Variants in CLEC20A observed in about 807,000 individuals in gnomAD.
CLEC20A encodes the protein C-type lectin domain containing 20A, also known as putative C-type lectin domain family 20 member A.
At chr1:178,493,938 AC>A (rs1649327769) in intron 2 of CLEC20A, among the ~76,000 whole-genome samples, 1 of 152,196 alleles carries the variant, frequency 6.6e-6, no homozygotes, top group Non-Finnish European at 1.5e-5. Context: ...CCTGACTTAC[AC>A]CCATTTTTTC....
chr1:178,489,155 G>A (rs926800437), intron 4 of CLEC20A, among the ~76,000 whole-genome samples: 5 of 152,074 alleles, frequency 3.3e-5, no homozygotes, highest in African/African-American at 1.2e-4. Flanking sequence ...TTGAGGTCAG[G>A]AGTTCAAGAC....
At chr1:178,491,396 C>A (rs1649263466) in intron 3 of CLEC20A, among the ~76,000 whole-genome samples, 1 of 152,204 alleles carries the variant, frequency 6.6e-6, no homozygotes. Flanking sequence ...CACCTAAGCC[C>A]ATCAAGATTT....
chr1:178,482,128 TAAGAA>T (rs1649005659), intron 7 of CLEC20A, 179 bp downstream of exon 7: 1 of 384,314 alleles, frequency 2.6e-6, no homozygotes, highest in African/African-American at 2.2e-5. Flanking sequence ...TTGGAGAGGG[TAAGAA>T]AAGATCCAAA....
At chr1:178,479,279 A>G (rs1001302169) in exon 8 of CLEC20A, 7 of 284,040 alleles carry the variant, frequency 2.5e-5, no homozygotes, top group African/African-American at 1.5e-4. Context: ...TTAATTTCTT[A>G]ATAGAAGTTC....
In CLEC20A at chr1:178,490,683, C is replaced by T. The variant is rs569225752; in HGVS notation, c.464-246G>A. 2.6e-4 allele frequency among the ~76,000 whole-genome samples: 40 copies of T among 152,308 alleles called. No homozygotes were observed. In the South Asian group the frequency reaches 8.1e-3, roughly 31 times the overall value. On this transcript the variant is annotated intron_variant, in intron 3 of 7. Coordinates refer to ENST00000623247, the Ensembl canonical transcript of CLEC20A. ...AAGCAGAGCTTAAGAGTTCTTGTAG[C>T]TATATGGCCTCACAAGTTCAGTTTA...
intron 5 of CLEC20A, chr1:178,486,492 T>A: frequency 2.5e-6 from 1 of 398,792 alleles, no homozygotes; most frequent in Non-Finnish European, 4.4e-6. Flanking sequence ...GGCTCAGGGC[T>A]GCAGAGTCAG....
upstream of CLEC20A, among the ~76,000 whole-genome samples, chr1:178,498,646 GCA>G (rs1236572967): frequency 6.6e-6 from 1 of 152,112 alleles, no homozygotes; most frequent in Non-Finnish European, 1.5e-5. Context: ...GGAGGCCAAG[GCA>G]CTTTCTCTGG....
exon 4 of CLEC20A, chr1:178,490,214 G>A: frequency 2.5e-6 from 1 of 398,832 alleles, no homozygotes; most frequent in Non-Finnish European, 4.4e-6. Flanking sequence ...TGGCCCCCAG[G>A]TCACTGGACC....
At chr1:178,483,395 AC>A in intron 5 of CLEC20A, 113 bp from the exon 6 acceptor site, 1 of 395,778 alleles carries the variant, frequency 2.5e-6, no homozygotes, top group Non-Finnish European at 4.5e-6. Context: ...ACTGCTAGGC[AC>A]ACAGTTGCTG....
chr1:178,489,507 G>A (rs553444741), intron 4 of CLEC20A, among the ~76,000 whole-genome samples: 1 of 152,096 alleles, frequency 6.6e-6, no homozygotes, highest in Non-Finnish European at 1.5e-5. Flanking sequence ...GCAGAAGGAC[G>A]CCCATCACAC....
In CLEC20A at chr1:178,479,648, C is replaced by T. The variant is rs1041616684; in HGVS notation, c.1123-33G>A. 6.0e-5 allele frequency: 24 copies of T among 398,160 alleles called. No individual in the cohort carries two copies. In the South Asian group the frequency reaches 6.4e-4, roughly 11 times the overall value. The allele number at this position is 398,160 out of a possible 1,614,324, so 24.7% of individuals were successfully genotyped here. ...ATCAAAAAGAGAGAAAGTGTTGATGCGGTCTTTTTACTTCATGGTCCTCTT... is the reference window on the plus strand; with the variant it reads ...ATCAAAAAGAGAGAAAGTGTTGATGTGGTCTTTTTACTTCATGGTCCTCTT... On this transcript the variant is annotated intron_variant, in intron 7 of 7. Coordinates refer to ENST00000623247, the Ensembl canonical transcript of CLEC20A.
intron 1 of CLEC20A, among the ~76,000 whole-genome samples, chr1:178,495,697 A>AAGGG (rs1449449051): frequency 9.2e-5 from 14 of 152,098 alleles, no homozygotes; most frequent in Non-Finnish European, 1.3e-4. Context: ...GGAAGGAAGG[A>AAGGG]AGGGAGGGAG....
intron 7 of CLEC20A, 37 bp from the exon 8 acceptor site, chr1:178,479,652 C>T: frequency 2.5e-6 from 1 of 398,228 alleles, no homozygotes; most frequent in Non-Finnish European, 4.4e-6. Context: ...TTGATGCGGT[C>T]TTTTTACTTC....
In CLEC20A at chr1:178,494,451, C is replaced by T. The variant is rs906278537; in HGVS notation, c.397+3G>A. 7 of 400,212 alleles carry T rather than the reference C, an allele frequency of 1.7e-5. No homozygotes were observed. Among genetic ancestry groups the T allele is most frequent in the East Asian group, 7.1e-5 (2 of 28,112 alleles). 24.8% of individuals were successfully genotyped at this position (400,212 alleles called of 1,614,324 possible). A position where few individuals can be genotyped will look rare whatever the true frequency, so the allele number is the denominator to read the frequency against. On this transcript the variant is annotated splice_donor_region_variant and intron_variant, in intron 2 of 7. Coordinates refer to ENST00000623247, the Ensembl canonical transcript of CLEC20A. ...CAAGCCTGAAATATGAATGTGAACA[C>T]ACCACAGTAGCAGAGGAAGGGCTTC...
At chr1:178,493,076 AG>A (rs1033092968) in intron 2 of CLEC20A, among the ~76,000 whole-genome samples, 21 of 152,332 alleles carry the variant, frequency 1.4e-4, no homozygotes, top group Admixed American at 4.6e-4. Flanking sequence ...TTAGGGGTCA[AG>A]GGCAGACCCA....
chr1:178,486,988 C>A, intron 5 of CLEC20A: 2 of 395,356 alleles, frequency 5.1e-6, no homozygotes, highest in Non-Finnish European at 4.5e-6. Flanking sequence ...CTCCGGGCTG[C>A]CCCTCTGAGT....
At chr1:178,496,705 C>T (rs531916053) in intron 1 of CLEC20A, 195 bp downstream of exon 1, 2 of 397,316 alleles carry the variant, frequency 5.0e-6, no homozygotes, top group Admixed American at 4.4e-5. Context: ...TGGCTGAGTA[C>T]TGTCTGGTTA....
chr1:178,487,951 T>C (rs1473534957), intron 5 of CLEC20A, among the ~76,000 whole-genome samples: 1 of 152,202 alleles, frequency 6.6e-6, no homozygotes, highest in Non-Finnish European at 1.5e-5. Flanking sequence ...GCTGTGAAGA[T>C]GTTTCAGAAA....
upstream of CLEC20A, among the ~76,000 whole-genome samples, chr1:178,498,664 C>T (rs1649455584): frequency 6.6e-6 from 1 of 152,096 alleles, no homozygotes; most frequent in Non-Finnish European, 1.5e-5. Context: ...TCTGGGGAAC[C>T]AAAAACAGCT....
Sources: allele counts gnomAD v4.1 joint callset (sites outside exome capture counted in the v4.1 genomes callset), GRCh38; gene constraint gnomAD v4.1.1; transcripts MANE v1.5; gene names NCBI Gene and HGNC (gene_info 2026-07-23, HGNC 2026-07-21).